EML4: variants seen among roughly 807,000 people sequenced by gnomAD.
EML4 encodes echinoderm microtubule-associated protein-like 4.
In EML4, 72 loss-of-function variants were observed where a neutral mutation model predicts 129.0. That is an observed-to-expected ratio of 0.56 (90% CI 0.46 to 0.68). The LOEUF (loss-of-function observed/expected upper bound fraction) is 0.68. Among genes scored for constraint, EML4 ranks in the 30% least tolerant of loss-of-function variants. The pLI is 0.00. For missense variants in EML4, 1,363 were observed against 1,190.6 expected (o/e 1.14, Z -2.13); for synonymous variants, 532 against 405.0 (o/e 1.31, Z -3.77).
chr2:42,211,640 T>A (rs1370598331), intron 1 of EML4, among the ~76,000 whole-genome samples: 2 of 152,182 alleles, frequency 1.3e-5, no homozygotes, highest in African/African-American at 4.8e-5. Context: ...TTGAAAACTT[T>A]ATCCTTCCCG....
intron 1 of EML4, among the ~76,000 whole-genome samples, chr2:42,195,182 T>C (rs1352207380): frequency 6.6e-6 from 1 of 152,224 alleles, no homozygotes; most frequent in African/African-American, 2.4e-5. Flanking sequence ...TAAGTTGTTT[T>C]AGTCATTTGT....
At chr2:42,273,111 T>G (rs1666464178) in intron 6 of EML4, among the ~76,000 whole-genome samples, 1 of 152,170 alleles carries the variant, frequency 6.6e-6, no homozygotes, top group African/African-American at 2.4e-5. Flanking sequence ...TTTAAAAAGT[T>G]AAGTGCAACT....
intron 17 of EML4, among the ~76,000 whole-genome samples, chr2:42,305,084 C>T (rs1668516077): frequency 6.6e-6 from 1 of 151,946 alleles, no homozygotes; most frequent in Non-Finnish European, 1.5e-5. Flanking sequence ...CCACTGCGCT[C>T]CAGCATGGGC....
chr2:42,236,098 C>T (rs1431113227), intron 1 of EML4, among the ~76,000 whole-genome samples: 2 of 152,118 alleles, frequency 1.3e-5, no homozygotes, highest in Admixed American at 1.3e-4. Context: ...TAACTATTGT[C>T]ATAAATTTTG....
At chr2:42,178,404 T>C (rs1008550421) in intron 1 of EML4, among the ~76,000 whole-genome samples, 7 of 151,226 alleles carry the variant, frequency 4.6e-5, no homozygotes, top group South Asian at 2.1e-4. Flanking sequence ...AAACAAAAAT[T>C]AGCTGAACGT....
intron 9 of EML4, chr2:42,286,036 TTAGAA>T: frequency 1.0e-5 from 6 of 582,726 alleles, no homozygotes; most frequent in Non-Finnish European, 1.9e-5. Context: ...TGTGTAATAC[TTAGAA>T]TAGTATGTGT....
chr2:42,295,424 G>A lies in EML4; in HGVS notation c.1397G>A (p.Gly466Glu), dbSNP rs1225855026. 3.1e-6 allele frequency: 5 copies of A among 1,613,936 alleles called. No homozygotes were observed. The highest frequency in any genetic ancestry group is 1.3e-5 in the African/African-American group (1 of 75,004). Residue 466 changes from glycine (G) to glutamate (E), a missense_variant, in exon 13 of 23, where the codon GGG (glycine) becomes GAG (glutamate). Gly to Glu is a moderately conservative substitution (Grantham distance 98). Transcript: ENST00000318522. ...TTTGTGCAGTGTTTAGCATTCTTGG[G>A]GAATGGAGATGTTCTTACTGGAGAC... is the stretch of plus-strand genomic sequence containing the variant. Reference protein sequence around the residue: ...PKFVQCLAFLGNGDVLTGDSG... With the variant: ...PKFVQCLAFLENGDVLTGDSG...
At chr2:42,272,504 A>G (rs1267801501) in intron 6 of EML4, among the ~76,000 whole-genome samples, 1 of 151,964 alleles carries the variant, frequency 6.6e-6, no homozygotes, top group African/African-American at 2.4e-5. Context: ...TTTGGTCTCA[A>G]ACTCCTGACC....
intron 1 of EML4, among the ~76,000 whole-genome samples, chr2:42,171,967 C>T (rs1176893098): frequency 6.6e-6 from 1 of 152,014 alleles, no homozygotes. Context: ...GTTAATTAGC[C>T]TAGAGCTTAG....
intron 13 of EML4, among the ~76,000 whole-genome samples, chr2:42,296,009 A>T (rs1303581232): frequency 6.6e-6 from 1 of 152,198 alleles, no homozygotes; most frequent in Admixed American, 6.5e-5. Context: ...CAGTTTTCCT[A>T]AAAAACACAG....
At chr2:42,250,888 TCCCA>T (rs1675722302) in intron 2 of EML4, among the ~76,000 whole-genome samples, 1 of 152,180 alleles carries the variant, frequency 6.6e-6, no homozygotes, top group South Asian at 2.1e-4. Context: ...AACTAGCTGG[TCCCA>T]TGTTGGGGTG....
intron 1 of EML4, among the ~76,000 whole-genome samples, chr2:42,218,618 G>A (rs1673354971): frequency 6.6e-6 from 1 of 152,080 alleles, no homozygotes; most frequent in Non-Finnish European, 1.5e-5. Context: ...CAGTAGTGGA[G>A]GAAAGGAGAA....
chr2:42,182,918 C>G (rs559182159), intron 1 of EML4, among the ~76,000 whole-genome samples: 1 of 152,210 alleles, frequency 6.6e-6, no homozygotes, highest in Non-Finnish European at 1.5e-5. Context: ...GCCTGTGTGT[C>G]CAGATTTCCT....
At chr2:42,267,016 T>G (rs1000708734) in intron 6 of EML4, among the ~76,000 whole-genome samples, 3 of 152,220 alleles carry the variant, frequency 2.0e-5, no homozygotes, top group African/African-American at 7.2e-5. Context: ...CAATGTCATG[T>G]AGATGTTTAA....
rs188424617 is a variant in EML4, at chr2:42,190,177, C to G, written c.25+20541C>G. ...AGGATGATAGAACTTAAGCTTTAGA[C>G]TATTTGAGTGTGTATGTGTTATCTA... On this transcript the variant is annotated intron_variant, in intron 1 of 22. Transcript: ENST00000318522. 3.9e-5 allele frequency among the ~76,000 whole-genome samples: 6 copies of G among 152,238 alleles called. No individual in the cohort carries two copies. In the East Asian group the frequency reaches 1.2e-3, roughly 29 times the overall value.
intron 2 of EML4, among the ~76,000 whole-genome samples, chr2:42,254,457 C>CAA (rs1283231073): frequency 1.1e-4 from 11 of 102,514 alleles, no homozygotes; most frequent in African/African-American, 2.7e-4. Context: ...GACTCTGTCT[C>CAA]AAAAAAAAAA....
At chr2:42,209,946 A>G (rs1672784172) in intron 1 of EML4, among the ~76,000 whole-genome samples, 1 of 152,144 alleles carries the variant, frequency 6.6e-6, no homozygotes, top group Admixed American at 6.6e-5. Context: ...AAAAAAACAA[A>G]CAAACAAACA....
chr2:42,242,250 A>G (rs992829613), intron 1 of EML4, among the ~76,000 whole-genome samples: 2 of 152,192 alleles, frequency 1.3e-5, no homozygotes, highest in Non-Finnish European at 2.9e-5. Flanking sequence ...ATCTGTGGTC[A>G]TAATATAAAG....
At chr2:42,204,546 A>G (rs1672425486) in intron 1 of EML4, among the ~76,000 whole-genome samples, 1 of 152,236 alleles carries the variant, frequency 6.6e-6, no homozygotes, top group South Asian at 2.1e-4. Flanking sequence ...TTATTTATCA[A>G]CACTGAATTT....
Sources: gnomAD v4.1 joint callset for allele counts (sites outside exome capture counted in the v4.1 genomes callset) on GRCh38, gnomAD v4.1.1 for gene constraint, MANE v1.5 for transcripts, NCBI Gene and HGNC (gene_info 2026-07-23, HGNC 2026-07-21) for gene names.